FGF14: variants seen among roughly 807,000 people sequenced by gnomAD.
The protein encoded by FGF14 is fibroblast growth factor homologous factor 4.
FGF14 carries 5 observed loss-of-function variants against 25.5 expected under a neutral mutation model. That is an observed-to-expected ratio of 0.20 (90% CI 0.10 to 0.41). The LOEUF is 0.41. Among genes scored for constraint, FGF14 ranks in the 10% least tolerant of loss-of-function variants. FGF14 has a pLI of 1.00. For synonymous variants in FGF14, 138 were observed against 118.3 expected, an observed-to-expected ratio of 1.17 and a Z score of -1.08; for missense variants, 222 against 320.1, an observed-to-expected ratio of 0.69 and a Z score of 2.34.
intron 1 of FGF14, among the ~76,000 whole-genome samples, chr13:101,894,689 C>A (rs2030355295): frequency 6.6e-6 from 1 of 152,106 alleles, no homozygotes; most frequent in South Asian, 2.1e-4. Flanking sequence ...CTGAGCTTCT[C>A]TAGCTTCCTA....
intron 1 of FGF14, among the ~76,000 whole-genome samples, chr13:102,170,923 C>A (rs1436109730): frequency 6.6e-6 from 1 of 152,084 alleles, no homozygotes; most frequent in Non-Finnish European, 1.5e-5. Context: ...CAATATCTCA[C>A]AAAGCATAGT....
At chr13:101,811,855 C>T (rs1246548675) in intron 3 of FGF14, among the ~76,000 whole-genome samples, 1 of 152,130 alleles carries the variant, frequency 6.6e-6, no homozygotes, top group African/African-American at 2.4e-5. Flanking sequence ...ACTGGTTCAT[C>T]TCTAACAGGA....
At chr13:102,085,491 A>T (rs988635037) in intron 1 of FGF14, among the ~76,000 whole-genome samples, 1 of 152,214 alleles carries the variant, frequency 6.6e-6, no homozygotes, top group African/African-American at 2.4e-5. Flanking sequence ...GAGTGATGTC[A>T]AACAATTTTC....
At chr13:102,112,464 AT>A (rs907711643) in intron 1 of FGF14, among the ~76,000 whole-genome samples, 59 of 152,016 alleles carry the variant, frequency 3.9e-4, no homozygotes, top group African/African-American at 1.2e-3. Context: ...TTTTGTATTG[AT>A]TTTTTTTCCT....
At position 101,721,350 on chromosome 13, in the gene FGF14, G is replaced by A. The variant is rs1405480794; in HGVS notation, c.*1481C>T. On this transcript the variant is annotated 3_prime_UTR_variant, in exon 5 of 5. Coordinates refer to ENST00000376143, the MANE Select transcript of FGF14 (RefSeq NM_004115.4). The stretch of plus-strand genomic sequence containing the variant: ...TGTCTTCCCTAAGCTCAAACAAACA[G>A]TGTTAAACTAAAAAGGAAATTAAGA... 6.6e-6 allele frequency: 1 copy of A among 151,932 alleles called. No homozygotes were observed. The highest frequency in any genetic ancestry group is 1.5e-5 in the Non-Finnish European group (1 of 68,004). The allele number at this position is 151,932 out of a possible 1,614,324, so 9.4% of individuals were successfully genotyped here.
At chr13:101,765,894 A>G (rs1165396123) in intron 3 of FGF14, among the ~76,000 whole-genome samples, 1 of 151,980 alleles carries the variant, frequency 6.6e-6, no homozygotes, top group Non-Finnish European at 1.5e-5. Context: ...ATACCCAGCT[A>G]ATTTTTGTAC....
intron 1 of FGF14, among the ~76,000 whole-genome samples, chr13:102,218,337 A>G (rs938655861): frequency 6.6e-6 from 1 of 152,092 alleles, no homozygotes; most frequent in African/African-American, 2.4e-5. Flanking sequence ...ACTCCACAAG[A>G]AAAGGGTCTA....
intron 1 of FGF14, among the ~76,000 whole-genome samples, chr13:102,110,004 TAAAGATA>T (rs2140317473): frequency 6.6e-6 from 1 of 152,316 alleles, no homozygotes; most frequent in South Asian, 2.1e-4. Flanking sequence ...ACAAATAGAT[TAAAGATA>T]AATCGATTCA....
intron 3 of FGF14, among the ~76,000 whole-genome samples, chr13:101,819,346 C>T (rs1018505713): frequency 1.3e-5 from 2 of 152,280 alleles, no homozygotes; most frequent in Admixed American, 6.5e-5. Context: ...ATATACTCAA[C>T]TGAAAGTCCC....
At chr13:102,009,783 CAAAGGAAA>C (rs1403421425) in intron 1 of FGF14, among the ~76,000 whole-genome samples, 1 of 151,978 alleles carries the variant, frequency 6.6e-6, no homozygotes, top group Non-Finnish European at 1.5e-5. Flanking sequence ...ACTAGATTTC[CAAAGGAAA>C]TAATCTAAAG....
chr13:102,025,905 T>A (rs2040900242), intron 1 of FGF14, among the ~76,000 whole-genome samples: 1 of 152,102 alleles, frequency 6.6e-6, no homozygotes, highest in Non-Finnish European at 1.5e-5. Flanking sequence ...TTTGTGTGTG[T>A]GTGTGAATTC....
chr13:102,080,874 C>G (rs925963297), intron 1 of FGF14, among the ~76,000 whole-genome samples: 2 of 152,182 alleles, frequency 1.3e-5, no homozygotes, highest in Non-Finnish European at 2.9e-5. Context: ...TGACTCTCAG[C>G]AGAAAGCTAT....
intron 3 of FGF14, among the ~76,000 whole-genome samples, chr13:101,730,012 C>A (rs7319796): frequency 0.33 from 50,557 of 151,956 alleles, 8,808 homozygotes; most frequent in East Asian, 0.49. Flanking sequence ...CTGAGATACA[C>A]GCTTTGTGGG....
chr13:102,281,010 G>A (rs886322482), intron 1 of FGF14, among the ~76,000 whole-genome samples: 1 of 152,128 alleles, frequency 6.6e-6, no homozygotes, highest in African/African-American at 2.4e-5. Flanking sequence ...GCTTTCCAAC[G>A]TGCTTGGAGA....
chr13:102,240,610 T>G (rs934765579), intron 1 of FGF14, among the ~76,000 whole-genome samples: 1 of 152,178 alleles, frequency 6.6e-6, no homozygotes, highest in East Asian at 1.9e-4. Flanking sequence ...CCAGTTCTCC[T>G]CAGCTATGAA....
At chr13:102,146,841 C>T (rs1432724129) in intron 1 of FGF14, among the ~76,000 whole-genome samples, 5 of 151,996 alleles carry the variant, frequency 3.3e-5, no homozygotes, top group Non-Finnish European at 7.4e-5. Flanking sequence ...CTAATGAGAA[C>T]GAATTGTATG....
intron 3 of FGF14, among the ~76,000 whole-genome samples, chr13:101,824,201 T>A (rs1047592681): frequency 6.6e-6 from 1 of 152,354 alleles, no homozygotes; most frequent in South Asian, 2.1e-4. Flanking sequence ...TCAGGATTCA[T>A]ACTTTCTACT....
At chr13:101,939,863 GAAAT>G (rs1237964840) in intron 1 of FGF14, among the ~76,000 whole-genome samples, 2 of 152,140 alleles carry the variant, frequency 1.3e-5, no homozygotes, top group East Asian at 1.9e-4. Context: ...GCTTTAGAAA[GAAAT>G]AGCATGAATG....
chr13:101,874,508 A>G (rs988051975), intron 2 of FGF14, among the ~76,000 whole-genome samples: 1 of 152,170 alleles, frequency 6.6e-6, no homozygotes, highest in Admixed American at 6.6e-5. Context: ...ATGGGAGAGC[A>G]AAACACAGAC....
Sources: allele counts gnomAD v4.1 joint callset (sites outside exome capture counted in the v4.1 genomes callset), GRCh38; gene constraint gnomAD v4.1.1; transcripts MANE v1.5; gene names NCBI Gene and HGNC (gene_info 2026-07-23, HGNC 2026-07-21).